The following BDNF variants were observed in gnomAD, a reference collection of about 807,000 sequenced individuals.
BDNF encodes the protein brain derived neurotrophic factor.
In BDNF, 1 loss-of-function variant was observed where a neutral mutation model predicts 19.5. The ratio of observed to expected loss-of-function variants is 0.05; its 90% CI spans 0.02 to 0.24. The LOEUF is 0.24. BDNF is among the 10% of genes least tolerant of loss of function. The pLI is 1.00. For synonymous variants in BDNF, 100 were observed against 121.6 expected (o/e 0.82, Z 1.17); for missense variants, 195 against 317.6 (o/e 0.61, Z 2.93).
At chr11:27,663,786 T>C (rs1310333705) in intron 1 of BDNF, among the ~76,000 whole-genome samples, 3 of 152,186 alleles carry the variant, frequency 2.0e-5, no homozygotes, top group Non-Finnish European at 4.4e-5. Context: ...ATGTGGACAC[T>C]GCAGCTATGT....
upstream of BDNF, among the ~76,000 whole-genome samples, chr11:27,701,798 G>T (rs968779952): frequency 6.6e-6 from 1 of 152,208 alleles, no homozygotes; most frequent in African/African-American, 2.4e-5. Flanking sequence ...GGCATTGCAT[G>T]CTTTTGCAGA....
upstream of BDNF, chr11:27,701,115 C>T: frequency 7.7e-7 from 1 of 1,293,112 alleles, no homozygotes; most frequent in South Asian, 1.2e-5. Context: ...TAGAGTTTGC[C>T]TAATAGGAAT....
chr11:27,657,965 G>A lies in BDNF; in HGVS notation c.600C>T (p.Asp200=). Residue 200 remains aspartate (D), a synonymous_variant, in exon 2 of 2, where the codon GAC becomes GAT. Coordinates refer to ENST00000356660, the MANE Select transcript of BDNF (RefSeq NM_001709.5). This position sits in a 1 kb window ranked among gnomAD's most constrained non-coding sequence, Gnocchi z 5.0. The stretch of plus-strand genomic sequence containing the variant: ...GGCACTGGGAGTTCCAATGCCTTTT[G>A]TCTATGCCCCTGCAGCCTTCTTTTG... The part of the protein sequence containing the change: ...GYTKEGCRGI[D]KRHWNSQCRT... 6.2e-7 allele frequency: 1 copy of A among 1,614,108 alleles called. No homozygotes were observed. Among genetic ancestry groups the A allele is most frequent in the Non-Finnish European group, 8.5e-7 (1 of 1,180,022 alleles).
chr11:27,664,918 C>T (rs895219862), intron 1 of BDNF, among the ~76,000 whole-genome samples: 2 of 152,198 alleles, frequency 1.3e-5, no homozygotes, highest in Non-Finnish European at 2.9e-5. Flanking sequence ...TAGCACACAT[C>T]TCCAGTCTGT....
chr11:27,701,477 A>C (rs1323132353), upstream of BDNF: 39 of 989,940 alleles, frequency 3.9e-5, no homozygotes, highest in Non-Finnish European at 4.6e-5. Context: ...AAGAAGTTAA[A>C]TTATTGATAG....
chr11:27,667,646 C>G (rs1854589206), intron 1 of BDNF, among the ~76,000 whole-genome samples: 1 of 152,032 alleles, frequency 6.6e-6, no homozygotes, highest in Non-Finnish European at 1.5e-5. Flanking sequence ...GACTTTAAAC[C>G]AACAAAGATC....
chr11:27,660,771 CAA>C (rs546450288), intron 1 of BDNF, among the ~76,000 whole-genome samples: 30 of 95,960 alleles, frequency 3.1e-4, no homozygotes, highest in Admixed American at 3.1e-4. Flanking sequence ...AACTCCATCT[CAA>C]AAAAAAAAAA....
intron 1 of BDNF, among the ~76,000 whole-genome samples, chr11:27,681,278 C>T (rs1318102805): frequency 6.6e-6 from 1 of 152,144 alleles, no homozygotes; most frequent in Non-Finnish European, 1.5e-5. Flanking sequence ...GGGGCTGCCT[C>T]ATGAAGTGTC....
chr11:27,708,290 T>G (rs960029120), intron 1 of BDNF, among the ~76,000 whole-genome samples: 3 of 152,246 alleles, frequency 2.0e-5, no homozygotes, highest in Non-Finnish European at 4.4e-5. Context: ...AGATTGTGGA[T>G]GTAGATCATG....
At chr11:27,712,805 G>A (rs113459501) in intron 1 of BDNF, among the ~76,000 whole-genome samples, 3,979 of 150,230 alleles carry the variant, frequency 0.026, 169 homozygotes, top group African/African-American at 0.091. Context: ...GTGAGCCGTC[G>A]CGCCTGGCCC....
At chr11:27,721,055 C>A (rs543855004) in intron 1 of BDNF, among the ~76,000 whole-genome samples, 7 of 149,480 alleles carry the variant, frequency 4.7e-5, no homozygotes, top group Non-Finnish European at 7.4e-5. Flanking sequence ...GGAAATTAAC[C>A]CCCTTGCAAA....
intron 1 of BDNF, chr11:27,674,901 T>C (rs917269892): frequency 1.1e-6 from 1 of 895,740 alleles, no homozygotes; most frequent in African/African-American, 1.8e-5. Context: ...GTAAAATGTT[T>C]CTCTTTGTAT....
At chr11:27,670,907 G>A (rs1855248618) in intron 1 of BDNF, among the ~76,000 whole-genome samples, 1 of 152,168 alleles carries the variant, frequency 6.6e-6, no homozygotes, top group Non-Finnish European at 1.5e-5. Context: ...CCATTACTGG[G>A]TATATACCCA....
intron 1 of BDNF, chr11:27,698,256 A>AAAAAAAAAT (rs1859404617): frequency 8.3e-6 from 1 of 120,910 alleles, no homozygotes; most frequent in Non-Finnish European, 1.8e-5. Context: ...AAAAAAAAAA[A>AAAAAAAAAT]GTCTTAAGCA....
chr11:27,699,631 A>C lies in BDNF; in HGVS notation c.-22+533T>G, dbSNP rs1254359842. On this transcript the variant is annotated intron_variant, in intron 1 of 1. Coordinates refer to ENST00000356660, the MANE Select transcript of BDNF (RefSeq NM_001709.5). ...ACATTGGCTTCGGACTTGTAAGTCC[A>C]CTTCAGTCTCAATTCCTGGGGAGCA... The C allele has an allele frequency of 3.5e-6, 5 of 1,442,332 alleles. No homozygotes were observed. The East Asian group carries it at 1.0e-4, about 29-fold the overall frequency. 89.3% of individuals were successfully genotyped at this position (1,442,332 alleles called of 1,614,324 possible). A position where few individuals can be genotyped will look rare whatever the true frequency, so the allele number is the denominator to read the frequency against.
At chr11:27,718,011 C>A (rs1860580871) in intron 1 of BDNF, among the ~76,000 whole-genome samples, 1 of 152,076 alleles carries the variant, frequency 6.6e-6, no homozygotes, top group African/African-American at 2.4e-5. Flanking sequence ...TTTCTCGATT[C>A]AACTGTCAAC....
In BDNF at chr11:27,658,451, C is replaced by A. The variant is rs943009748; in HGVS notation, c.114G>T (p.Arg38=). 1 of 1,614,046 alleles carries A rather than the reference C, an allele frequency of 6.2e-7. No individual in the cohort carries two copies. Among genetic ancestry groups the A allele is most frequent in the Admixed American group, 1.7e-5 (1 of 60,004 alleles). ...GQGGLAYPGV[R]THGTLESVNG... is the part of the protein sequence containing the mutation. ...TCACGCTCTCCAGAGTCCCATGGGT[C>A]CGCACACCTGGGTAGGCCAAGCCAC... The change falls in exon 2 of 2, where the codon CGG becomes CGT. Residue 38 remains arginine (R), a synonymous_variant. Coordinates refer to ENST00000356660, the MANE Select transcript of BDNF (RefSeq NM_001709.5). The surrounding 1 kb of genome is among the most constrained non-coding windows in gnomAD (Gnocchi z 5.7).
intron 1 of BDNF, chr11:27,675,808 A>T (rs1325383498): frequency 2.0e-5 from 3 of 152,016 alleles, no homozygotes; most frequent in African/African-American, 7.3e-5. Flanking sequence ...AGCATCAGAC[A>T]CTCACAGACT....
chr11:27,678,143 A>C (rs1229989705), intron 1 of BDNF, among the ~76,000 whole-genome samples: 2 of 152,186 alleles, frequency 1.3e-5, no homozygotes, highest in Admixed American at 6.5e-5. Context: ...TGGGTGATCA[A>C]ATTCAAAAAC....
Sources: gnomAD v4.1 joint callset for allele counts (sites outside exome capture counted in the v4.1 genomes callset) on GRCh38, gnomAD v4.1.1 for gene constraint, Gnocchi (gnomAD v3.1) non-coding constraint, MANE v1.5 for transcripts, NCBI Gene and HGNC (gene_info 2026-07-23, HGNC 2026-07-21) for gene names.